Variants in H2BC3 observed in about 807,000 individuals in gnomAD.
H2BC3 encodes the protein histone H2B type 1-B.
A neutral mutation model predicts 6.0 loss-of-function variants in H2BC3; 8 were observed. The observed-to-expected ratio is 1.33, with a 90% CI of 0.78 to 2.40. The LOEUF (loss-of-function observed/expected upper bound fraction) is 2.40. Ranked by LOEUF, H2BC3 falls within the 30% of genes most tolerant of loss-of-function variation. The probability of loss-of-function intolerance (pLI) is 0.00; values close to 1 mark genes in which losing one functional copy is unlikely to be tolerated. For synonymous variants in H2BC3, 122 were observed against 66.2 expected (o/e 1.84, Z -4.09); for missense variants, 222 against 163.2 (o/e 1.36, Z -1.96).
rs746142254 is a variant in H2BC3 at position 26,043,364 on chromosome 6, A to G, written c.294T>C (p.Ala98=). ...GCTCCCCAGGCAGCAGCAGGCGCAC[A>G]GCCGTCTGAATCTCCCTGGAGGTGA... is the stretch of plus-strand genomic sequence containing the variant. The part of the protein sequence containing the change: ...STITSREIQT[A]VRLLLPGELA... The change falls in exon 1 of 1, where the codon GCT becomes GCC. Residue 98 remains alanine (A), a synonymous_variant. Coordinates refer to ENST00000615966, the MANE Select transcript of H2BC3 (RefSeq NM_021062.3). 9 of 1,614,132 alleles carry G rather than the reference A, an allele frequency of 5.6e-6. No individual in the cohort carries two copies. In the East Asian group the frequency reaches 1.6e-4, roughly 28 times the overall value.
chr6:26,043,241 A>G lies in H2BC3; in HGVS notation c.*36T>C, dbSNP rs545172922. 63 of 1,531,904 alleles carry G rather than the reference A, an allele frequency of 4.1e-5. No homozygotes were observed. The South Asian group carries it at 7.7e-4, about 19-fold the overall frequency. 94.9% of individuals were successfully genotyped at this position (1,531,904 alleles called of 1,614,324 possible). Reference sequence around the variant, plus strand: ...TTGTGACAAAGTAGGTGGCTCTGAAAAGAGCCTTTGGGTTTGGAAGTGCTT... The same window carrying G: ...TTGTGACAAAGTAGGTGGCTCTGAAGAGAGCCTTTGGGTTTGGAAGTGCTT... On this transcript the variant is annotated 3_prime_UTR_variant, in exon 1 of 1. Coordinates refer to ENST00000615966, the MANE Select transcript of H2BC3 (RefSeq NM_021062.3).
Position 26,043,495 on chromosome 6 carries a change from T to C in H2BC3, c.163A>G (p.Ile55Val). The C allele has an allele frequency of 6.2e-7, 1 of 1,614,230 alleles. No individual in the cohort carries two copies. Residue 55 changes from isoleucine to valine, a missense_variant, in exon 1 of 1, where the codon ATC becomes GTC. Ile to Val is a conservative substitution (Grantham distance 29). Coordinates refer to ENST00000615966, the MANE Select transcript of H2BC3 (RefSeq NM_021062.3). ...VLKQVHPDTG[I>V]SSKAMGIMNS... ...ATGATCCCCATGGCCTTGGATGAGA[T>C]GCCGGTGTCGGGGTGGACCTGCTTC...
chr6:26,043,594 C>T lies in H2BC3; in HGVS notation c.64G>A (p.Ala22Thr), dbSNP rs765585164. The T allele has an allele frequency of 1.6e-5, 26 of 1,614,074 alleles. No homozygotes were observed. The highest frequency in any genetic ancestry group is 2.2e-5 in the Non-Finnish European group (26 of 1,179,956). Residue 22 changes from alanine (A) to threonine (T), a missense_variant, in exon 1 of 1, where the codon GCG (alanine) becomes ACG (threonine). Coordinates refer to ENST00000615966, the MANE Select transcript of H2BC3 (RefSeq NM_021062.3). ...KKGSKKAITKAQKKDGKKRKR... is the reference protein window; with the variant it reads ...KKGSKKAITKTQKKDGKKRKR... The stretch of plus-strand genomic sequence containing the variant: ...CGCTTCTTACCATCCTTCTTCTGCG[C>T]CTTAGTGATAGCCTTCTTAGAACCC...
Position 26,043,254 on chromosome 6 carries a change from T to C in H2BC3, c.*23A>G, listed in dbSNP as rs1364399983. Reference sequence around the variant, plus strand: ...GGTGGCTCTGAAAAGAGCCTTTGGGTTTGGAAGTGCTTACATAAGCACTTA... The same window carrying C: ...GGTGGCTCTGAAAAGAGCCTTTGGGCTTGGAAGTGCTTACATAAGCACTTA... On this transcript the variant is annotated 3_prime_UTR_variant, in exon 1 of 1. Transcript: ENST00000615966. The C allele has an allele frequency of 7.7e-6, 12 of 1,554,468 alleles. No individual in the cohort carries two copies. Among genetic ancestry groups the C allele is most frequent in the East Asian group, 2.3e-5 (1 of 44,300 alleles).
Position 26,043,463 on chromosome 6 carries a change from G to A in H2BC3, c.195C>T (p.Ser65=). ...ISSKAMGIMN[S]FVNDIFERIA... The stretch of plus-strand genomic sequence containing the variant: ...TGCGCTCGAAGATGTCGTTGACGAA[G>A]GAATTCATGATCCCCATGGCCTTGG... Residue 65 remains serine, a synonymous_variant, in exon 1 of 1, where the codon TCC becomes TCT. Coordinates refer to ENST00000615966, the MANE Select transcript of H2BC3 (RefSeq NM_021062.3). The A allele has an allele frequency of 6.2e-7, 1 of 1,614,206 alleles. No individual in the cohort carries two copies. Among genetic ancestry groups the A allele is most frequent in the East Asian group, 2.2e-5 (1 of 44,862 alleles).
In H2BC3 at chr6:26,043,700, C is replaced by T; in HGVS notation, c.-43G>A. 2.0e-6 allele frequency: 3 copies of T among 1,534,006 alleles called. No homozygotes were observed. Among genetic ancestry groups the T allele is most frequent in the Admixed American group, 4.3e-5 (2 of 46,270 alleles). The stretch of plus-strand genomic sequence containing the variant: ...ATAGAAAAGCTACTAACACTCTCCA[C>T]TACAGAGTAGTACAGAGAACAGTTC... On this transcript the variant is annotated 5_prime_UTR_variant, in exon 1 of 1. It adds an upstream start codon to the 5' untranslated region. Coordinates refer to ENST00000615966, the MANE Select transcript of H2BC3 (RefSeq NM_021062.3).
At position 26,043,339 on chromosome 6, in the gene H2BC3, G is replaced by T; in HGVS notation, c.319C>A (p.Leu107Met). Residue 107 changes from leucine to methionine, a missense_variant, in exon 1 of 1, where the codon CTG becomes ATG. Coordinates refer to ENST00000615966, the MANE Select transcript of H2BC3 (RefSeq NM_021062.3). The part of the protein sequence containing the change: ...TAVRLLLPGE[L>M]AKHAVSEGTK... ...CCCTCGGACACAGCATGCTTAGCCA[G>T]CTCCCCAGGCAGCAGCAGGCGCACA... 1 of 1,614,066 alleles carries T rather than the reference G, an allele frequency of 6.2e-7. No homozygotes were observed. The highest frequency in any genetic ancestry group is 8.5e-7 in the Non-Finnish European group (1 of 1,180,004).
Position 26,043,630 on chromosome 6 carries a change from C to G in H2BC3, c.28G>C (p.Ala10Pro). The G allele has an allele frequency of 6.2e-7, 1 of 1,609,628 alleles. No individual in the cohort carries two copies. The highest frequency in any genetic ancestry group is 1.1e-5 in the South Asian group (1 of 90,594). MPEPSKSAPAPKKGSKKAIT... is the reference protein window; with the variant it reads MPEPSKSAPPPKKGSKKAIT... ...GCCTTCTTAGAACCCTTTTTAGGGGCTGGAGCAGACTTAGAGGGTTCAGGC... is the reference window on the plus strand; with the variant it reads ...GCCTTCTTAGAACCCTTTTTAGGGGGTGGAGCAGACTTAGAGGGTTCAGGC... Residue 10 changes from alanine to proline, a missense_variant, in exon 1 of 1, where the codon GCC becomes CCC. Coordinates refer to ENST00000615966, the MANE Select transcript of H2BC3 (RefSeq NM_021062.3).
In H2BC3 at chr6:26,043,278, T is replaced by A; in HGVS notation, c.380A>T (p.Ter127LeuextTer4). ...GTTTGGAAGTGCTTACATAAGCACTTATTTAGAGCTAGTGTACTTGGTAAC... is the reference window on the plus strand; with the variant it reads ...GTTTGGAAGTGCTTACATAAGCACTAATTTAGAGCTAGTGTACTTGGTAAC... ...KAVTKYTSSK[*>L] Residue 127 changes from the stop codon to leucine (L), a stop_lost, in exon 1 of 1, where the codon TAA becomes TTA. Transcript: ENST00000615966. 1 of 1,593,340 alleles carries A rather than the reference T, an allele frequency of 6.3e-7. No individual in the cohort carries two copies.
chr6:26,043,687 C>G lies in H2BC3; in HGVS notation c.-30G>C, dbSNP rs367562049. ...ATTCCTAAACAGAATAGAAAAGCTA[C>G]TAACACTCTCCACTACAGAGTAGTA... is the stretch of plus-strand genomic sequence containing the variant. On this transcript the variant is annotated 5_prime_UTR_variant, in exon 1 of 1. Transcript: ENST00000615966. The G allele has an allele frequency of 2.6e-6, 4 of 1,552,414 alleles. No homozygotes were observed. Among genetic ancestry groups the G allele is most frequent in the Middle Eastern group, 1.8e-4 (1 of 5,712 alleles).
rs1398683060 is a variant in H2BC3, at chr6:26,043,554, T to C, written c.104A>G (p.Lys35Arg). 1.2e-6 allele frequency: 2 copies of C among 1,614,242 alleles called. No homozygotes were observed. Among genetic ancestry groups the C allele is most frequent in the Non-Finnish European group, 1.7e-6 (2 of 1,180,050 alleles). Residue 35 changes from lysine (K) to arginine (R), a missense_variant, in exon 1 of 1, where the codon AAG (lysine) becomes AGG (arginine). Lys to Arg is a conservative substitution (Grantham distance 26, BLOSUM62 2). Transcript: ENST00000615966. ...KDGKKRKRSR[K>R]ESYSIYVYKV... ...GTACACATAGATAGAATAGCTCTCC[T>C]TGCGGCTGCGCTTACGCTTCTTACC...
In H2BC3 at chr6:26,043,488, G is replaced by A. The variant is rs1581638662; in HGVS notation, c.170C>T (p.Ser57Phe). ...GGAATTCATGATCCCCATGGCCTTG[G>A]ATGAGATGCCGGTGTCGGGGTGGAC... ...KQVHPDTGIS[S>F]KAMGIMNSFV... Residue 57 changes from serine (S) to phenylalanine (F), a missense_variant, in exon 1 of 1, where the codon TCC becomes TTC. Coordinates refer to ENST00000615966, the MANE Select transcript of H2BC3 (RefSeq NM_021062.3). 6.2e-7 allele frequency: 1 copy of A among 1,614,220 alleles called. No homozygotes were observed.
Position 26,043,697 on chromosome 6 carries a change from C to T in H2BC3, c.-40G>A, listed in dbSNP as rs756896467. The T allele has an allele frequency of 1.6e-5, 24 of 1,539,536 alleles. No homozygotes were observed. Among genetic ancestry groups the T allele is most frequent in the Non-Finnish European group, 2.0e-5 (23 of 1,145,990 alleles). On this transcript the variant is annotated 5_prime_UTR_variant, in exon 1 of 1. Transcript: ENST00000615966. Reference sequence around the variant, plus strand: ...AGAATAGAAAAGCTACTAACACTCTCCACTACAGAGTAGTACAGAGAACAG... The same window carrying T: ...AGAATAGAAAAGCTACTAACACTCTTCACTACAGAGTAGTACAGAGAACAG...
chr6:26,043,229 G>T lies in H2BC3; in HGVS notation c.*48C>A. ...TTATAGCTCTCCTTGTGACAAAGTA[G>T]GTGGCTCTGAAAAGAGCCTTTGGGT... On this transcript the variant is annotated 3_prime_UTR_variant, in exon 1 of 1. Transcript: ENST00000615966. 6.7e-7 allele frequency: 1 copy of T among 1,501,678 alleles called. No homozygotes were observed. Among genetic ancestry groups the T allele is most frequent in the Non-Finnish European group, 8.9e-7 (1 of 1,119,668 alleles). 93.0% of individuals were successfully genotyped at this position (1,501,678 alleles called of 1,614,324 possible).
rs1761669073 is a variant in H2BC3, at chr6:26,043,497, C to G, written c.161G>C (p.Gly54Ala). ...GATCCCCATGGCCTTGGATGAGATGCCGGTGTCGGGGTGGACCTGCTTCAG... is the reference window on the plus strand; with the variant it reads ...GATCCCCATGGCCTTGGATGAGATGGCGGTGTCGGGGTGGACCTGCTTCAG... Reference protein sequence around the residue: ...KVLKQVHPDTGISSKAMGIMN... With the variant: ...KVLKQVHPDTAISSKAMGIMN... Residue 54 changes from glycine (G) to alanine (A), a missense_variant, in exon 1 of 1, where the codon GGC becomes GCC. By Grantham distance (60) the Gly-to-Ala change is moderately conservative. Coordinates refer to ENST00000615966, the MANE Select transcript of H2BC3 (RefSeq NM_021062.3). 6.2e-7 allele frequency: 1 copy of G among 1,614,170 alleles called. No homozygotes were observed.
chr6:26,043,231 T>A lies in H2BC3; in HGVS notation c.*46A>T, dbSNP rs1201672839. On this transcript the variant is annotated 3_prime_UTR_variant, in exon 1 of 1. Transcript: ENST00000615966. ...ATAGCTCTCCTTGTGACAAAGTAGG[T>A]GGCTCTGAAAAGAGCCTTTGGGTTT... 1.3e-6 allele frequency: 2 copies of A among 1,505,764 alleles called. No homozygotes were observed. Among genetic ancestry groups the A allele is most frequent in the Non-Finnish European group, 1.8e-6 (2 of 1,123,140 alleles). 93.3% of individuals were successfully genotyped at this position (1,505,764 alleles called of 1,614,324 possible).
At position 26,043,514 on chromosome 6, in the gene H2BC3, C is replaced by T. The variant is rs761691872; in HGVS notation, c.144G>A (p.Gln48=). The change falls in exon 1 of 1, where the codon CAG becomes CAA. Residue 48 remains glutamine, a synonymous_variant. Transcript: ENST00000615966. ...ATGAGATGCCGGTGTCGGGGTGGAC[C>T]TGCTTCAGAACCTTGTACACATAGA... The part of the protein sequence containing the change: ...YSIYVYKVLK[Q]VHPDTGISSK... 21 of 1,614,224 alleles carry T rather than the reference C, an allele frequency of 1.3e-5. No homozygotes were observed. The highest frequency in any genetic ancestry group is 1.4e-5 in the Non-Finnish European group (16 of 1,180,046).
chr6:26,043,559 G>T lies in H2BC3; in HGVS notation c.99C>A (p.Ser33Arg). The T allele has an allele frequency of 1.9e-6, 3 of 1,614,234 alleles. No individual in the cohort carries two copies. Among genetic ancestry groups the T allele is most frequent in the Non-Finnish European group, 2.5e-6 (3 of 1,180,048 alleles). Reference sequence around the variant, plus strand: ...CATAGATAGAATAGCTCTCCTTGCGGCTGCGCTTACGCTTCTTACCATCCT... The same window carrying T: ...CATAGATAGAATAGCTCTCCTTGCGTCTGCGCTTACGCTTCTTACCATCCT... ...QKKDGKKRKR[S>R]RKESYSIYVY... The change falls in exon 1 of 1, where the codon AGC becomes AGA. Residue 33 changes from serine to arginine, a missense_variant. Ser to Arg is a moderately radical substitution (Grantham distance 110). Transcript: ENST00000615966.
rs1179213436 is a variant in H2BC3, at chr6:26,043,248, T to C, written c.*29A>G. The stretch of plus-strand genomic sequence containing the variant: ...AAAGTAGGTGGCTCTGAAAAGAGCC[T>C]TTGGGTTTGGAAGTGCTTACATAAG... On this transcript the variant is annotated 3_prime_UTR_variant, in exon 1 of 1. Transcript: ENST00000615966. 21 of 1,543,542 alleles carry C rather than the reference T, an allele frequency of 1.4e-5. No individual in the cohort carries two copies. Among genetic ancestry groups the C allele is most frequent in the Non-Finnish European group, 1.8e-5 (21 of 1,148,020 alleles).
Sources: allele counts gnomAD v4.1 joint callset, GRCh38; gene constraint gnomAD v4.1.1; transcripts MANE v1.5; gene names NCBI Gene and HGNC (gene_info 2026-07-23, HGNC 2026-07-21).